Variants in CAMTA1 observed in about 807,000 individuals in gnomAD.
CAMTA1 encodes calmodulin binding transcription activator 1.
CAMTA1 carries 27 observed loss-of-function variants against 170.9 expected under a neutral mutation model. That is an observed-to-expected ratio of 0.16 (90% confidence interval 0.12 to 0.22). The LOEUF (loss-of-function observed/expected upper bound fraction) is 0.22. CAMTA1 is among the 10% of genes least tolerant of loss of function. The pLI is 1.00. For missense variants in CAMTA1, 1,619 were observed against 2,217.2 expected (o/e 0.73, Z 5.42); for synonymous variants, 833 against 891.5 (o/e 0.93, Z 1.17).
intron 5 of CAMTA1, chr1:7,370,384 A>ATGC (rs2086347286): frequency 6.6e-6 from 1 of 152,256 alleles, no homozygotes; most frequent in Admixed American, 6.5e-5. Context: ...TCTGTGTTTT[A>ATGC]TAGTGCAGAA....
At chr1:7,611,207 C>G (rs1411172620) in intron 6 of CAMTA1, among the ~76,000 whole-genome samples, 1 of 152,190 alleles carries the variant, frequency 6.6e-6, no homozygotes, top group South Asian at 2.1e-4. Flanking sequence ...GAGACCAGGG[C>G]CCACAGCCTG....
At chr1:7,052,955 G>A (rs1416915723) in intron 3 of CAMTA1, among the ~76,000 whole-genome samples, 1 of 152,220 alleles carries the variant, frequency 6.6e-6, no homozygotes, top group Non-Finnish European at 1.5e-5. Context: ...ATCGCCCAGA[G>A]CAGAGGAGAC....
intron 4 of CAMTA1, among the ~76,000 whole-genome samples, chr1:7,213,308 G>C (rs1033155986): frequency 6.6e-6 from 1 of 152,204 alleles, no homozygotes; most frequent in Non-Finnish European, 1.5e-5. Context: ...TCCCCTGACA[G>C]GTGTGTAATG....
intron 4 of CAMTA1, among the ~76,000 whole-genome samples, chr1:7,230,087 CCCAGAAAG>C (rs1462925444): frequency 6.6e-6 from 1 of 152,100 alleles, no homozygotes; most frequent in Non-Finnish European, 1.5e-5. Context: ...GACAGGAGCA[CCCAGAAAG>C]CCGGTTCCTA....
Position 7,113,193 on chromosome 1 carries a change from A to G in CAMTA1, c.302+21822A>G, listed in dbSNP as rs111512097. Reference sequence around the variant, plus strand: ...AAGGCCAGAATCATCCTTTTCTGTCAGAAGCCACAGACAGAGGCTGGATCA... The same window carrying G: ...AAGGCCAGAATCATCCTTTTCTGTCGGAAGCCACAGACAGAGGCTGGATCA... On this transcript the variant is annotated intron_variant, in intron 4 of 22. Coordinates refer to ENST00000303635, the MANE Select transcript of CAMTA1 (RefSeq NM_015215.4). This position sits in a 1 kb window ranked among gnomAD's most constrained non-coding sequence, Gnocchi z 4.5. Among the ~76,000 whole-genome samples, 1,405 of 152,350 alleles carry G rather than the reference A, an allele frequency of 9.2e-3. 33 individuals carry two copies. The highest frequency in any genetic ancestry group is 0.032 in the African/African-American group (1,339 of 41,574).
intron 19 of CAMTA1, among the ~76,000 whole-genome samples, chr1:7,749,122 G>A (rs1442733162): frequency 1.3e-5 from 2 of 152,116 alleles, no homozygotes; most frequent in Admixed American, 6.5e-5. Context: ...CAGTAGATTC[G>A]AGAACCTTTT....
intron 3 of CAMTA1, chr1:6,852,936 C>T (rs989412763): frequency 1.3e-5 from 2 of 152,094 alleles, no homozygotes; most frequent in Non-Finnish European, 2.9e-5. Context: ...GCCATTCTCC[C>T]GAGAGTCCTC....
chr1:7,637,866 A>G (rs1047586865), intron 6 of CAMTA1, among the ~76,000 whole-genome samples: 3 of 152,252 alleles, frequency 2.0e-5, no homozygotes. Context: ...TGCTTTGAAA[A>G]GAATAAAGTG....
intron 6 of CAMTA1, among the ~76,000 whole-genome samples, chr1:7,571,785 G>A (rs571970628): frequency 6.6e-6 from 1 of 152,318 alleles, no homozygotes; most frequent in African/African-American, 2.4e-5. Flanking sequence ...TGTGAATAGT[G>A]CTGCAGTGAA....
intron 1 of CAMTA1, among the ~76,000 whole-genome samples, chr1:6,806,068 T>A (rs1644483534): frequency 6.6e-6 from 1 of 152,186 alleles, no homozygotes; most frequent in East Asian, 1.9e-4. Context: ...CCAGCTTCAT[T>A]TTTTTGCATG....
chr1:7,445,584 C>G (rs550395058), intron 5 of CAMTA1, among the ~76,000 whole-genome samples: 19 of 152,268 alleles, frequency 1.2e-4, no homozygotes, highest in African/African-American at 4.6e-4. Context: ...GCCTGTGTCC[C>G]CTCCCAGGTG....
At chr1:7,619,136 T>C (rs2095579906) in intron 6 of CAMTA1, among the ~76,000 whole-genome samples, 1 of 152,186 alleles carries the variant, frequency 6.6e-6, no homozygotes, top group Non-Finnish European at 1.5e-5. Context: ...ACCCAGTCCA[T>C]AGGAGGAAAA....
intron 3 of CAMTA1, among the ~76,000 whole-genome samples, chr1:6,833,044 T>C (rs1651101280): frequency 6.6e-6 from 1 of 152,100 alleles, no homozygotes; most frequent in Admixed American, 6.6e-5. Flanking sequence ...GCAGCAGCAC[T>C]CCACAGGATA....
Position 7,063,179 on chromosome 1 carries a change from G to A in CAMTA1, c.235-28125G>A, listed in dbSNP as rs1708501913. Among the ~76,000 whole-genome samples the A allele has an allele frequency of 6.6e-6, 1 of 152,102 alleles. No homozygotes were observed. Among genetic ancestry groups the A allele is most frequent in the African/African-American group, 2.4e-5 (1 of 41,400 alleles). On this transcript the variant is annotated intron_variant, in intron 3 of 22. Transcript: ENST00000303635. This position sits in a 1 kb window ranked among gnomAD's most constrained non-coding sequence, Gnocchi z 4.3. ...CAGCATCTCTGGCAGGATGCTGATC[G>A]GATAACCAGTGCCCGAAAAAATGTG...
chr1:6,821,248 T>G (rs916241660), intron 2 of CAMTA1, among the ~76,000 whole-genome samples: 4 of 152,208 alleles, frequency 2.6e-5, no homozygotes, highest in Non-Finnish European at 4.4e-5. Flanking sequence ...TTTGGAGACT[T>G]TGGAAAAGAA....
chr1:7,755,780 A>G (rs1217017934), intron 22 of CAMTA1, 112 bp downstream of exon 22: 1 of 853,524 alleles, frequency 1.2e-6, no homozygotes, highest in Non-Finnish European at 2.0e-6. Context: ...TTTCACATCC[A>G]TTTTGAATGA....
intron 5 of CAMTA1, among the ~76,000 whole-genome samples, chr1:7,277,349 A>G (rs1670862540): frequency 6.6e-6 from 1 of 152,222 alleles, no homozygotes; most frequent in Admixed American, 6.5e-5. Flanking sequence ...AGATGATGTG[A>G]TACTGGTATC....
chr1:7,118,594 G>A (rs975733569), intron 4 of CAMTA1, among the ~76,000 whole-genome samples: 1 of 152,066 alleles, frequency 6.6e-6, no homozygotes, highest in Non-Finnish European at 1.5e-5. Flanking sequence ...GAGCTTTGAT[G>A]CTTTTGATTC....
intron 5 of CAMTA1, among the ~76,000 whole-genome samples, chr1:7,358,456 G>A (rs895748350): frequency 1.3e-5 from 2 of 152,110 alleles, no homozygotes; most frequent in African/African-American, 2.4e-5. Context: ...ATGTAGTCAC[G>A]CTTAGGTGGC....
Sources: gnomAD v4.1 joint callset for allele counts (sites outside exome capture counted in the v4.1 genomes callset) on GRCh38, gnomAD v4.1.1 for gene constraint, Gnocchi (gnomAD v3.1) non-coding constraint, MANE v1.5 for transcripts, NCBI Gene and HGNC (gene_info 2026-07-23, HGNC 2026-07-21) for gene names.